ANKRD28: variants seen among roughly 807,000 people sequenced by gnomAD.
The protein encoded by ANKRD28 is serine/threonine-protein phosphatase 6 regulatory ankyrin repeat subunit A.
ANKRD28 carries 44 observed loss-of-function variants against 126.5 expected under a neutral mutation model. That is an observed-to-expected ratio of 0.35 (90% CI 0.27 to 0.45). The LOEUF (loss-of-function observed/expected upper bound fraction) is 0.45. Among genes scored for constraint, ANKRD28 ranks in the 20% least tolerant of loss-of-function variants. ANKRD28 has a pLI of 1.00. For synonymous variants in ANKRD28, 442 were observed against 468.5 expected (o/e 0.94, Z 0.73); for missense variants, 1,110 against 1,316.6 (o/e 0.84, Z 2.43).
Position 15,797,353 on chromosome 3 carries a change from G to A in ANKRD28, c.-832C>T. 1.0e-6 allele frequency: 1 copy of A among 985,362 alleles called. No homozygotes were observed. The highest frequency in any genetic ancestry group is 1.2e-6 in the Non-Finnish European group (1 of 829,934). 61.0% of individuals were successfully genotyped at this position (985,362 alleles called of 1,614,324 possible). A position where few individuals can be genotyped will look rare whatever the true frequency, so the allele number is the denominator to read the frequency against. On this transcript the variant is annotated 5_prime_UTR_variant, in exon 1 of 28. Coordinates refer to ENST00000683139, the MANE Select transcript of ANKRD28 (RefSeq NM_001349278.2). ...TTTCCCATATAATAGAAGAAACACA[G>A]TTAGCTTTATTCCCATCGATAGCAT...
At chr3:15,711,809 C>T (rs1455032282) in intron 11 of ANKRD28, among the ~76,000 whole-genome samples, 1 of 151,924 alleles carries the variant, frequency 6.6e-6, no homozygotes, top group East Asian at 1.9e-4. Flanking sequence ...GCCTCAGCCT[C>T]CCAAGTAGCT....
At chr3:15,768,290 GAATT>G (rs1055444879) in intron 2 of ANKRD28, among the ~76,000 whole-genome samples, 5 of 152,106 alleles carry the variant, frequency 3.3e-5, no homozygotes, top group African/African-American at 9.7e-5. Context: ...GGGCTATTGA[GAATT>G]AAAGTAAAAA....
chr3:15,859,754 G>C (rs1009877486), exon 1 of ANKRD28: 1 of 153,476 alleles, frequency 6.5e-6, no homozygotes, highest in Non-Finnish European at 1.5e-5. Flanking sequence ...GAAATACCCT[G>C]GCAGCCCCCG....
chr3:15,693,544 C>G (rs2455813), intron 17 of ANKRD28, among the ~76,000 whole-genome samples: 83,564 of 151,940 alleles, frequency 0.55, 23,615 homozygotes, highest in Middle Eastern at 0.63. Flanking sequence ...CTCCACAAGG[C>G]GGAAATAGTC....
At chr3:15,786,503 G>A (rs1019010911) in intron 2 of ANKRD28, among the ~76,000 whole-genome samples, 20 of 152,066 alleles carry the variant, frequency 1.3e-4, no homozygotes, top group African/African-American at 3.9e-4. Flanking sequence ...GGCAAATGGA[G>A]TCCTTTGGGA....
At chr3:15,713,399 A>G (rs1348112648) in intron 10 of ANKRD28, 128 bp downstream of exon 10, 3 of 670,052 alleles carry the variant, frequency 4.5e-6, no homozygotes, top group South Asian at 3.9e-5. Flanking sequence ...AATACAAAAG[A>G]AAGTTCAAGC....
At chr3:15,851,135 T>C (rs768140210) in intron 1 of ANKRD28, among the ~76,000 whole-genome samples, 12 of 152,202 alleles carry the variant, frequency 7.9e-5, no homozygotes, top group Non-Finnish European at 1.8e-4. Context: ...TGTTTTTTCC[T>C]ATATCCTTAT....
intron 2 of ANKRD28, among the ~76,000 whole-genome samples, chr3:15,786,120 T>G (rs554972269): frequency 6.6e-6 from 1 of 152,218 alleles, no homozygotes; most frequent in South Asian, 2.1e-4. Context: ...ATTATATACT[T>G]GTCCAAACTC....
At chr3:15,855,980 T>C (rs2061756534) in intron 1 of ANKRD28, among the ~76,000 whole-genome samples, 1 of 152,256 alleles carries the variant, frequency 6.6e-6, no homozygotes, top group South Asian at 2.1e-4. Context: ...CTGGCTGTTT[T>C]ATCTAGAAGA....
Position 15,814,222 on chromosome 3 carries a change from T to G in ANKRD28, c.28-18916A>C. The G allele has an allele frequency of 8.2e-7, 1 of 1,214,170 alleles. No individual in the cohort carries two copies. 75.2% of individuals were successfully genotyped at this position (1,214,170 alleles called of 1,614,324 possible). A position where few individuals can be genotyped will look rare whatever the true frequency, so the allele number is the denominator to read the frequency against. Reference sequence around the variant, plus strand: ...AGCTGCCTATATTACTGCAAGAGACTACTAGAAAATAACCTACCATAATAG... The same window carrying G: ...AGCTGCCTATATTACTGCAAGAGACGACTAGAAAATAACCTACCATAATAG... On this transcript the variant is annotated intron_variant, in intron 1 of 27. Transcript: ENST00000399451. The surrounding 1 kb of genome is among the most constrained non-coding windows in gnomAD (Gnocchi z 4.7).
rs140048961 is a variant in ANKRD28 at position 15,707,929 on chromosome 3, A to C, written c.1542T>G (p.Asp514Glu). 1 of 1,612,886 alleles carries C rather than the reference A, an allele frequency of 6.2e-7. No individual in the cohort carries two copies. The highest frequency in any genetic ancestry group is 1.3e-5 in the African/African-American group (1 of 75,024). ...PLHYAATSDT[D>E]GKCLEYLLRN... ...CTCACTCCTATGGTACTTACTTGCC[A>C]TCTGTGTCTGATGTAGCTGCATAGT... Residue 514 changes from aspartate (D) to glutamate (E), a missense_variant, in exon 14 of 28, where the codon GAT becomes GAG. Coordinates refer to ENST00000683139, the MANE Select transcript of ANKRD28 (RefSeq NM_001349278.2).
intron 3 of ANKRD28, 78 bp from the exon 4 acceptor site, chr3:15,751,898 A>G: frequency 1.1e-6 from 1 of 951,122 alleles, no homozygotes; most frequent in Non-Finnish European, 1.6e-6. Context: ...TAGTAGTTAT[A>G]TATAATCCAA....
At chr3:15,762,478 G>A (rs1430380181) in intron 3 of ANKRD28, among the ~76,000 whole-genome samples, 2 of 152,034 alleles carry the variant, frequency 1.3e-5, no homozygotes, top group Non-Finnish European at 2.9e-5. Flanking sequence ...CTTGATTGTA[G>A]AATTTAAAAC....
intron 1 of ANKRD28, among the ~76,000 whole-genome samples, chr3:15,848,675 T>TA (rs112915787): frequency 2.5e-3 from 357 of 142,640 alleles, no homozygotes; most frequent in African/African-American, 6.0e-3. Context: ...GACCTTAACT[T>TA]AAAAAAAAAA....
At chr3:15,736,930 A>G in intron 5 of ANKRD28, 103 bp downstream of exon 5, 1 of 1,184,430 alleles carries the variant, frequency 8.4e-7, no homozygotes, top group Non-Finnish European at 1.2e-6. Context: ...TGAGAAAGAT[A>G]AATAGTTCTG....
intron 27 of ANKRD28, among the ~76,000 whole-genome samples, 167 bp downstream of exon 27, chr3:15,675,722 GTTAGATAAC>G (rs1324898603): frequency 6.6e-6 from 1 of 152,202 alleles, no homozygotes; most frequent in East Asian, 1.9e-4. Context: ...AAGTACATCT[GTTAGATAAC>G]TTTTCCTATT....
chr3:15,714,543 A>AAAAG, intron 9 of ANKRD28, 35 bp downstream of exon 9: 1 of 1,491,322 alleles, frequency 6.7e-7, no homozygotes, highest in Non-Finnish European at 9.0e-7. Flanking sequence ...AAAAAAAAAA[A>AAAAG]AAAACCCCAA....
rs2061388007 is a variant in ANKRD28 at position 15,839,467 on chromosome 3, T to C, written c.27+19910A>G. ...TCAGCACACAGGAACACCAAACCAATGAAAACTATAATCACATTTCAGAAT... is the reference window on the plus strand; with the variant it reads ...TCAGCACACAGGAACACCAAACCAACGAAAACTATAATCACATTTCAGAAT... On this transcript the variant is annotated intron_variant, in intron 1 of 27. Transcript: ENST00000399451. This position sits in a 1 kb window ranked among gnomAD's most constrained non-coding sequence, Gnocchi z 4.3. Among the ~76,000 whole-genome samples the C allele has an allele frequency of 6.6e-6, 1 of 151,950 alleles. No homozygotes were observed. The highest frequency in any genetic ancestry group is 1.5e-5 in the Non-Finnish European group (1 of 67,992).
At chr3:15,759,473 C>G (rs2058342000) in intron 3 of ANKRD28, among the ~76,000 whole-genome samples, 1 of 152,060 alleles carries the variant, frequency 6.6e-6, no homozygotes, top group Non-Finnish European at 1.5e-5. Context: ...ACTATAGATT[C>G]TATGGATGTA....
Sources: allele counts gnomAD v4.1 joint callset (sites outside exome capture counted in the v4.1 genomes callset), GRCh38; gene constraint gnomAD v4.1.1; non-coding constraint Gnocchi (gnomAD v3.1); transcripts MANE v1.5; gene names NCBI Gene and HGNC (gene_info 2026-07-23, HGNC 2026-07-21).